CFAP54: variants seen among roughly 807,000 people sequenced by gnomAD.
CFAP54 encodes the protein cilia and flagella associated protein 54, also known as cilia- and flagella-associated protein 54.
Under a neutral mutation model 370.4 loss-of-function variants are expected in CFAP54, and 290 were observed. The observed-to-expected ratio is 0.78, with a 90% CI of 0.71 to 0.86. The LOEUF (loss-of-function observed/expected upper bound fraction) is 0.86. Ranked by LOEUF, CFAP54 falls within the 40% of genes least tolerant of loss-of-function variation. The pLI is 0.00. For synonymous variants in CFAP54, 1,206 were observed against 1,236.5 expected, an observed-to-expected ratio of 0.98 and a Z score of 0.52; for missense variants, 3,399 against 3,528.7, an observed-to-expected ratio of 0.96 and a Z score of 0.93.
At chr12:96,704,452 GTATATATA>G (rs71068825) in intron 46 of CFAP54, among the ~76,000 whole-genome samples, 8,047 of 60,438 alleles carry the variant, frequency 0.13, 814 homozygotes, top group Admixed American at 0.19. Flanking sequence ...ATGTATGTGT[GTATATATA>G]TATATATATA....
At chr12:96,683,729 T>TG (rs1464726887) in intron 40 of CFAP54, among the ~76,000 whole-genome samples, 1 of 152,136 alleles carries the variant, frequency 6.6e-6, no homozygotes, top group Non-Finnish European at 1.5e-5. Flanking sequence ...CCATGTTGGT[T>TG]GGGGTTTTTG....
At chr12:96,831,165 A>G (rs1435693604) in intron 66 of CFAP54, among the ~76,000 whole-genome samples, 1 of 152,220 alleles carries the variant, frequency 6.6e-6, no homozygotes, top group Non-Finnish European at 1.5e-5. Flanking sequence ...TAGAAGAACT[A>G]TCTCTGTGTC....
At chr12:96,772,442 A>G (rs1267610470) in intron 60 of CFAP54, among the ~76,000 whole-genome samples, 1 of 152,178 alleles carries the variant, frequency 6.6e-6, no homozygotes, top group East Asian at 1.9e-4. Context: ...CCAAGCCAGC[A>G]GCGTAGCATC....
In CFAP54 at chr12:96,708,621, T is replaced by A. The variant is rs1592718938; in HGVS notation, c.6542T>A (p.Leu2181Ter). The change falls in exon 48 of 68, where the codon TTA (leucine) becomes TAA (stop). Residue 2181 changes from leucine (L) to a stop codon, truncating the protein, a stop_gained. Coordinates refer to ENST00000524981, the MANE Select transcript of CFAP54 (RefSeq NM_001306084.2). LOFTEE classifies it high-confidence loss of function. Reference protein sequence around the residue: ...SKENIQAIDELRNKGLPAVLV... With the variant: ...SKENIQAIDE ...TCCATTTTTTAGGCAATTGATGAATTAAGAAATAAAGGCTTGCCTGCAGTT... is the reference window on the plus strand; with the variant it reads ...TCCATTTTTTAGGCAATTGATGAATAAAGAAATAAAGGCTTGCCTGCAGTT... 2 of 1,589,760 alleles carry A rather than the reference T, an allele frequency of 1.3e-6. No individual in the cohort carries two copies. The highest frequency in any genetic ancestry group is 2.7e-5 in the African/African-American group (2 of 73,402).
At chr12:96,712,929 T>C (rs1441935689) in intron 48 of CFAP54, among the ~76,000 whole-genome samples, 1 of 152,076 alleles carries the variant, frequency 6.6e-6, no homozygotes, top group Non-Finnish European at 1.5e-5. Flanking sequence ...AAAAAGCATA[T>C]GAGAAAATAC....
At chr12:96,539,241 A>G (rs1955544760) in intron 13 of CFAP54, among the ~76,000 whole-genome samples, 1 of 148,304 alleles carries the variant, frequency 6.7e-6, no homozygotes, top group East Asian at 2.1e-4. Context: ...TTGTATTTTT[A>G]GTAGAGATGG....
At chr12:96,504,328 A>C (rs1343665882) in intron 3 of CFAP54, among the ~76,000 whole-genome samples, 2 of 152,150 alleles carry the variant, frequency 1.3e-5, no homozygotes, top group African/African-American at 4.8e-5. Context: ...TTGATAAAGT[A>C]ATTTTATGAG....
intron 62 of CFAP54, among the ~76,000 whole-genome samples, chr12:96,789,210 C>T (rs1048099731): frequency 5.3e-5 from 8 of 152,082 alleles, no homozygotes; most frequent in Non-Finnish European, 1.0e-4. Flanking sequence ...ACATTTTACT[C>T]CCAGGAAGAA....
chr12:96,803,398 C>T (rs1327060996), intron 63 of CFAP54, among the ~76,000 whole-genome samples: 1 of 152,092 alleles, frequency 6.6e-6, no homozygotes. Context: ...CTGCTACTAA[C>T]TTCTAAGCAA....
At chr12:96,801,178 C>T (rs1184929125) in intron 63 of CFAP54, among the ~76,000 whole-genome samples, 5 of 152,136 alleles carry the variant, frequency 3.3e-5, no homozygotes, top group African/African-American at 9.7e-5. Context: ...GAAATCCCAG[C>T]ATTGGGGATT....
At chr12:96,796,386 T>C (rs530670521) in intron 63 of CFAP54, among the ~76,000 whole-genome samples, 1 of 152,344 alleles carries the variant, frequency 6.6e-6, no homozygotes, top group South Asian at 2.1e-4. Flanking sequence ...ATAAATATAT[T>C]GTGTTTTACT....
intron 8 of CFAP54, among the ~76,000 whole-genome samples, chr12:96,525,628 T>TA (rs937483364): frequency 2.6e-5 from 4 of 152,190 alleles, no homozygotes; most frequent in African/African-American, 9.7e-5. Context: ...TTAACCTAAA[T>TA]AAAAATCTTA....
At chr12:96,797,398 T>A (rs1377418913) in intron 63 of CFAP54, among the ~76,000 whole-genome samples, 1 of 152,112 alleles carries the variant, frequency 6.6e-6, no homozygotes, top group Non-Finnish European at 1.5e-5. Flanking sequence ...CTGCCTTTTT[T>A]AAAAAATTAA....
intron 39 of CFAP54, among the ~76,000 whole-genome samples, chr12:96,664,699 A>ATC (rs371293974): frequency 0.11 from 908 of 8,038 alleles, 108 homozygotes; most frequent in Middle Eastern, 0.27. Context: ...GTATATATCT[A>ATC]TATATATATA....
intron 66 of CFAP54, among the ~76,000 whole-genome samples, chr12:96,850,109 T>A (rs1002293580): frequency 6.7e-6 from 1 of 150,338 alleles, no homozygotes; most frequent in African/African-American, 2.5e-5. Flanking sequence ...CCGGGCACGG[T>A]GGCTCACGCC....
At chr12:96,584,989 A>G (rs1158869523) in intron 22 of CFAP54, among the ~76,000 whole-genome samples, 1 of 150,286 alleles carries the variant, frequency 6.7e-6, no homozygotes. Context: ...TGGGAAAGAG[A>G]ATGTGATTGG....
chr12:96,571,054 A>T (rs1955912320), intron 19 of CFAP54, among the ~76,000 whole-genome samples: 1 of 152,214 alleles, frequency 6.6e-6, no homozygotes, highest in Non-Finnish European at 1.5e-5. Flanking sequence ...TCTACCAGAT[A>T]TGTAGGAAAT....
At chr12:96,843,247 A>G (rs529295406) in intron 66 of CFAP54, among the ~76,000 whole-genome samples, 151 of 152,330 alleles carry the variant, frequency 9.9e-4, no homozygotes, top group African/African-American at 3.3e-3. Flanking sequence ...AGCATCAAGA[A>G]ATGCCAAGTA....
At chr12:96,648,524 A>G (rs996316163) in intron 34 of CFAP54, among the ~76,000 whole-genome samples, 3 of 146,936 alleles carry the variant, frequency 2.0e-5, no homozygotes, top group African/African-American at 7.4e-5. Context: ...AAGCCTTGTT[A>G]TCTAGTCAGG....
Sources: gnomAD v4.1 joint callset for allele counts (sites outside exome capture counted in the v4.1 genomes callset) on GRCh38, gnomAD v4.1.1 for gene constraint, MANE v1.5 for transcripts, NCBI Gene and HGNC (gene_info 2026-07-23, HGNC 2026-07-21) for gene names.